Variants in PPIP5K2 observed in about 807,000 individuals in gnomAD.
PPIP5K2 encodes the protein inositol hexakisphosphate and diphosphoinositol-pentakisphosphate kinase 2.
In PPIP5K2, 105 loss-of-function variants were observed where a neutral mutation model predicts 154.6. That is an observed-to-expected ratio of 0.68 (90% CI 0.58 to 0.80). The LOEUF (loss-of-function observed/expected upper bound fraction) is 0.80. Among genes scored for constraint, PPIP5K2 ranks in the 30% least tolerant of loss-of-function variants. PPIP5K2 has a pLI of 0.00. For missense variants in PPIP5K2, 992 were observed against 1,504.6 expected (o/e 0.66, Z 5.64); for synonymous variants, 480 against 490.3 (o/e 0.98, Z 0.28).
chr5:103,150,898 AT>A (rs1202744843), intron 8 of PPIP5K2, among the ~76,000 whole-genome samples: 44 of 100,540 alleles, frequency 4.4e-4, no homozygotes, highest in African/African-American at 1.0e-3. Flanking sequence ...GCTAGAGCCA[AT>A]TTTTTTTTAT....
chr5:103,141,881 A>C (rs1554206899), intron 5 of PPIP5K2, among the ~76,000 whole-genome samples: 2 of 152,170 alleles, frequency 1.3e-5, no homozygotes, highest in Non-Finnish European at 2.9e-5. Context: ...TGAGCTAAAC[A>C]CAGGGTGCTG....
chr5:103,157,243 G>A (rs558815129), intron 14 of PPIP5K2, among the ~76,000 whole-genome samples: 31 of 152,060 alleles, frequency 2.0e-4, no homozygotes, highest in Admixed American at 3.9e-4. Flanking sequence ...CCATGAAAAG[G>A]AGTAGGTCAA....
Position 103,136,715 on chromosome 5 carries a change from A to G in PPIP5K2, c.311-17A>G. ...TCTTGAGATAATACAGAATATGTTA[A>G]TAATATGTGTTCTTAGGATTTCCAC... On this transcript the variant is annotated splice_polypyrimidine_tract_variant and intron_variant, in intron 3 of 30. Transcript: ENST00000358359. The G allele has an allele frequency of 6.3e-7, 1 of 1,585,458 alleles. No individual in the cohort carries two copies. Among genetic ancestry groups the G allele is most frequent in the Non-Finnish European group, 8.7e-7 (1 of 1,154,266 alleles).
At chr5:103,173,065 TTG>T in intron 19 of PPIP5K2, 88 bp from the exon 20 acceptor site, 1 of 1,047,630 alleles carries the variant, frequency 9.5e-7, no homozygotes, top group Non-Finnish European at 1.3e-6. Flanking sequence ...GATAAAATAT[TTG>T]TCTCTCACTA....
At chr5:103,140,303 C>T (rs112580801) in intron 5 of PPIP5K2, among the ~76,000 whole-genome samples, 5 of 152,040 alleles carry the variant, frequency 3.3e-5, no homozygotes, top group African/African-American at 1.2e-4. Context: ...ATGCATAGGT[C>T]ATAGAAGAAT....
At position 103,201,575 on chromosome 5, in the gene PPIP5K2, A is replaced by G; in HGVS notation, c.3673A>G (p.Asn1225Asp). Residue 1225 changes from asparagine (N) to aspartate (D), a missense_variant, in exon 31 of 31, where the codon AAT becomes GAT. Transcript: ENST00000358359. ...VVPNTSSRKKNITSKTETHEH... is the reference protein window; with the variant it reads ...VVPNTSSRKKDITSKTETHEH... ...TCCTAATACCTCATCTCGGAAAAAGAATATAACTAGCAAAACAGAAACGCA... is the reference window on the plus strand; with the variant it reads ...TCCTAATACCTCATCTCGGAAAAAGGATATAACTAGCAAAACAGAAACGCA... The G allele has an allele frequency of 3.7e-6, 6 of 1,611,616 alleles. No homozygotes were observed. The highest frequency in any genetic ancestry group is 5.1e-6 in the Non-Finnish European group (6 of 1,179,054).
At position 103,152,523 on chromosome 5, in the gene PPIP5K2, G is replaced by T. The variant is rs1554211622; in HGVS notation, c.1029-125G>T. Reference sequence around the variant, plus strand: ...TTTCTTGATCAGAATGGATTCTGTGGGTTATCTTTTATGTGATGTAATCAC... The same window carrying T: ...TTTCTTGATCAGAATGGATTCTGTGTGTTATCTTTTATGTGATGTAATCAC... On this transcript the variant is annotated intron_variant, in intron 9 of 30. Coordinates refer to ENST00000358359, the MANE Select transcript of PPIP5K2 (RefSeq NM_001276277.3). 7 of 578,848 alleles carry T rather than the reference G, an allele frequency of 1.2e-5. No individual in the cohort carries two copies. In the East Asian group the frequency reaches 2.1e-4, roughly 18 times the overall value. 35.9% of individuals were successfully genotyped at this position (578,848 alleles called of 1,614,324 possible). A position where few individuals can be genotyped will look rare whatever the true frequency, so the allele number is the denominator to read the frequency against.
intron 1 of PPIP5K2, among the ~76,000 whole-genome samples, chr5:103,125,936 A>G (rs1789596398): frequency 6.6e-6 from 1 of 152,118 alleles, no homozygotes; most frequent in African/African-American, 2.4e-5. Context: ...AATTCTTACT[A>G]TGGCTTCTCA....
At chr5:103,168,009 A>ATTAATATG in intron 18 of PPIP5K2, 63 bp from the exon 19 acceptor site, 1 of 1,029,838 alleles carries the variant, frequency 9.7e-7, no homozygotes, top group Non-Finnish European at 1.4e-6. Context: ...TTATTAACAT[A>ATTAATATG]TTAATATATA....
intron 28 of PPIP5K2, among the ~76,000 whole-genome samples, chr5:103,189,872 A>G (rs554525645): frequency 6.6e-6 from 1 of 152,168 alleles, no homozygotes; most frequent in Admixed American, 6.6e-5. Context: ...TTAATTTTGT[A>G]CTTTTAATGA....
chr5:103,191,106 T>C (rs1801163100), intron 29 of PPIP5K2, 124 bp downstream of exon 29: 1 of 789,620 alleles, frequency 1.3e-6, no homozygotes, highest in Non-Finnish European at 1.9e-6. Context: ...CAAAGGGGAG[T>C]GTAAAGGGAC....
chr5:103,184,545 G>A, intron 25 of PPIP5K2, 127 bp from the exon 26 acceptor site: 1 of 640,974 alleles, frequency 1.6e-6, no homozygotes, highest in Non-Finnish European at 2.6e-6. Context: ...CATGTTTTAT[G>A]TATTTCTACT....
At chr5:103,180,864 AAGT>A (rs1799422082) in intron 24 of PPIP5K2, among the ~76,000 whole-genome samples, 2 of 151,492 alleles carry the variant, frequency 1.3e-5, no homozygotes, top group Admixed American at 1.3e-4. Flanking sequence ...AAAAAAAAAA[AAGT>A]AGAGAACATT....
chr5:103,177,716 T>A lies in PPIP5K2; in HGVS notation c.2579T>A (p.Val860Asp). The change falls in exon 22 of 31, where the codon GTC becomes GAC. Residue 860 changes from valine to aspartate, a missense_variant. Physicochemically the swap from Val to Asp is radical, Grantham distance 152 (BLOSUM62 -3). Around this residue, in one of 9 missense-constraint regions of PPIP5K2, gnomAD observed 157 missense variants for 281.2 expected, o/e 0.56. Coordinates refer to ENST00000358359, the MANE Select transcript of PPIP5K2 (RefSeq NM_001276277.3). ...CGAGCTATGGATTATTTAAACGTTG[T>A]CAATGAGCTCAACTACATGACTCAG... ...WKRAMDYLNV[V>D]NELNYMTQIV... 6.2e-7 allele frequency: 1 copy of A among 1,612,164 alleles called. No homozygotes were observed. The highest frequency in any genetic ancestry group is 8.5e-7 in the Non-Finnish European group (1 of 1,179,078).
At chr5:103,176,677 A>G (rs1250920140) in intron 21 of PPIP5K2, among the ~76,000 whole-genome samples, 1 of 152,060 alleles carries the variant, frequency 6.6e-6, no homozygotes. Context: ...ATGTAATTAC[A>G]TAGTATACAA....
chr5:103,153,267 G>A (rs1416314721), intron 10 of PPIP5K2, among the ~76,000 whole-genome samples: 3 of 151,680 alleles, frequency 2.0e-5, no homozygotes, highest in Non-Finnish European at 4.4e-5. Flanking sequence ...TAACACGCAA[G>A]TGTTAAATAA....
intron 13 of PPIP5K2, among the ~76,000 whole-genome samples, chr5:103,155,518 C>A (rs1335156865): frequency 6.8e-6 from 1 of 146,964 alleles, no homozygotes; most frequent in Admixed American, 6.9e-5. Flanking sequence ...CTCTCCCCCT[C>A]CCAAGTTCAA....
chr5:103,141,387 C>T (rs1792622040), intron 5 of PPIP5K2, among the ~76,000 whole-genome samples: 1 of 151,846 alleles, frequency 6.6e-6, no homozygotes. Context: ...TAAGGTAGCG[C>T]GTCTGGAGTT....
chr5:103,131,692 T>C (rs1481820687), intron 2 of PPIP5K2, among the ~76,000 whole-genome samples: 2 of 152,144 alleles, frequency 1.3e-5, no homozygotes, highest in Non-Finnish European at 2.9e-5. Flanking sequence ...TCCAGATCAT[T>C]CTCCTGTTTT....
Sources: gnomAD v4.1 joint callset for allele counts (sites outside exome capture counted in the v4.1 genomes callset) on GRCh38, gnomAD v4.1.1 for gene constraint, gnomAD v4.1.1 regional missense constraint, MANE v1.5 for transcripts, NCBI Gene and HGNC (gene_info 2026-07-23, HGNC 2026-07-21) for gene names.